Variants in SLC29A3 observed in about 807,000 individuals in gnomAD.
The protein encoded by SLC29A3 is equilibrative nucleoside transporter 3.
SLC29A3 carries 18 observed loss-of-function variants against 25.4 expected under a neutral mutation model. The ratio of observed to expected loss-of-function variants is 0.71; its 90% CI spans 0.49 to 1.05. SLC29A3 has a LOEUF of 1.05. SLC29A3 is among the 50% of genes least tolerant of loss of function. The pLI, the probability that SLC29A3 is intolerant of heterozygous loss-of-function variation, is 0.00. For missense variants in SLC29A3, 586 were observed against 609.0 expected, an observed-to-expected ratio of 0.96 and a Z score of 0.40; for synonymous variants, 258 against 267.1, an observed-to-expected ratio of 0.97 and a Z score of 0.33.
At chr10:71,363,855 G>A (rs1327457000), downstream of SLC29A3, among the ~76,000 whole-genome samples, 2 of 128,670 alleles carry the variant, frequency 1.6e-5, no homozygotes, top group African/African-American at 5.8e-5. Flanking sequence ...TGTCACCCAG[G>A]CTGGAGTGCA....
intron 2 of SLC29A3, among the ~76,000 whole-genome samples, chr10:71,324,011 G>A (rs907632392): frequency 3.9e-5 from 6 of 152,150 alleles, no homozygotes; most frequent in Admixed American, 1.3e-4. Context: ...CCAGAGAGGT[G>A]GGGGCAGTAG....
At chr10:71,377,467 C>G (rs1484880268) in intron 4 of SLC29A3, among the ~76,000 whole-genome samples, 1 of 150,634 alleles carries the variant, frequency 6.6e-6, no homozygotes, top group East Asian at 1.9e-4. Context: ...CCACCGGCCA[C>G]GAAATAGATG....
downstream of SLC29A3, chr10:71,366,505 C>T (rs1336018384): frequency 6.6e-6 from 1 of 152,202 alleles, no homozygotes; most frequent in African/African-American, 2.4e-5. Flanking sequence ...ATTCAGTTAA[C>T]AAAGCTACAT....
intron 4 of SLC29A3, among the ~76,000 whole-genome samples, chr10:71,379,266 T>C (rs913395859): frequency 6.6e-6 from 1 of 152,222 alleles, no homozygotes; most frequent in South Asian, 2.1e-4. Context: ...ATGAAAATTG[T>C]AGGAGGCCAT....
At chr10:71,335,189 A>G (rs1273566026) in intron 2 of SLC29A3, among the ~76,000 whole-genome samples, 1 of 151,906 alleles carries the variant, frequency 6.6e-6, no homozygotes, top group East Asian at 1.9e-4. Flanking sequence ...GATTCCTTCT[A>G]CACCCAGCAC....
At chr10:71,319,405 G>A in intron 1 of SLC29A3, 95 bp downstream of exon 1, 1 of 540,100 alleles carries the variant, frequency 1.9e-6, no homozygotes, top group South Asian at 2.3e-5. Context: ...GGGGGCGGCT[G>A]CGGGCTGCCA....
intron 3 of SLC29A3, among the ~76,000 whole-genome samples, chr10:71,374,911 A>G (rs1187504993): frequency 6.6e-6 from 1 of 152,164 alleles, no homozygotes; most frequent in Admixed American, 6.5e-5. Flanking sequence ...AAGTAAGATG[A>G]GAATAGCTGC....
At chr10:71,356,303 C>A in intron 5 of SLC29A3, 60 bp downstream of exon 5, 3 of 1,591,330 alleles carry the variant, frequency 1.9e-6, no homozygotes, top group Non-Finnish European at 2.6e-6. Context: ...AGCCATGCTT[C>A]TTTTTCTCAG....
At chr10:71,349,099 C>G (rs577751158) in intron 3 of SLC29A3, among the ~76,000 whole-genome samples, 1 of 152,200 alleles carries the variant, frequency 6.6e-6, no homozygotes, top group African/African-American at 2.4e-5. Flanking sequence ...TAACACCACT[C>G]CTGGAGTTGT....
chr10:71,360,536 G>C (rs12243650), intron 5 of SLC29A3, among the ~76,000 whole-genome samples: 1 of 152,246 alleles, frequency 6.6e-6, no homozygotes, highest in Non-Finnish European at 1.5e-5. Flanking sequence ...GCCTCTGGTA[G>C]AGATGAACAG....
At chr10:71,324,699 G>A (rs1309329233) in intron 2 of SLC29A3, among the ~76,000 whole-genome samples, 1 of 152,236 alleles carries the variant, frequency 6.6e-6, no homozygotes, top group South Asian at 2.1e-4. Context: ...ACCTGAGTAT[G>A]TGTGGATTTG....
At chr10:71,328,748 AAGG>A (rs1278571275) in intron 2 of SLC29A3, among the ~76,000 whole-genome samples, 1 of 152,190 alleles carries the variant, frequency 6.6e-6, no homozygotes, top group Non-Finnish European at 1.5e-5. Context: ...GCTACCAGTA[AAGG>A]AGTTTTGATC....
chr10:71,361,697 G>A (rs2131850717), intron 5 of SLC29A3, among the ~76,000 whole-genome samples: 1 of 152,334 alleles, frequency 6.6e-6, no homozygotes, highest in Admixed American at 6.5e-5. Context: ...TCACCATGCA[G>A]TGGTCAGTCC....
At position 71,359,162 on chromosome 10, in the gene SLC29A3, GC is replaced by G. The variant is rs11296364; in HGVS notation, c.774-2790del. On this transcript the variant is annotated intron_variant, in intron 5 of 5. Transcript: ENST00000373189. ...GACCTCAAGTGATCCACCCGCCTCA[GC>G]CTCCCAAAGTGCTGGGATTGATTAC... 6.8e-3 allele frequency among the ~76,000 whole-genome samples: 1,043 copies of G among 152,306 alleles called. 11 individuals are homozygous for G. Among genetic ancestry groups the G allele is most frequent in the African/African-American group, 0.024 (993 of 41,566 alleles).
rs3824768 is a variant in SLC29A3 at position 71,341,057 on chromosome 10, G to A, written c.301-3152G>A. ...GAGCAGCCAGTCTGGGGAGAGGAGA[G>A]GCGGGCGAACGATCTGTGGGCTCCT... On this transcript the variant is annotated intron_variant, in intron 2 of 5. Coordinates refer to ENST00000373189, the MANE Select transcript of SLC29A3 (RefSeq NM_018344.6). 8.2e-3 allele frequency among the ~76,000 whole-genome samples: 1,251 copies of A among 152,266 alleles called. 39 individuals carry two copies. The highest frequency in any genetic ancestry group is 0.068 in the East Asian group (350 of 5,154).
intron 5 of SLC29A3, among the ~76,000 whole-genome samples, chr10:71,361,444 G>A (rs983693528): frequency 1.3e-5 from 2 of 152,236 alleles, no homozygotes; most frequent in Non-Finnish European, 2.9e-5. Context: ...TTATAGGCGT[G>A]AGCCATCATG....
intron 2 of SLC29A3, among the ~76,000 whole-genome samples, chr10:71,341,519 A>G (rs1846409642): frequency 6.6e-6 from 1 of 152,198 alleles, no homozygotes. Context: ...AACATGATCA[A>G]CTGTCCTGGT....
intron 1 of SLC29A3, 58 bp downstream of exon 1, chr10:71,319,368 C>CG (rs1319118117): frequency 3.3e-6 from 2 of 604,210 alleles, no homozygotes; most frequent in Non-Finnish European, 5.9e-6. Flanking sequence ...CCCAGACTCG[C>CG]GCTCAGCGAC....
chr10:71,354,025 T>C (rs1360453245), intron 4 of SLC29A3, among the ~76,000 whole-genome samples: 5 of 152,294 alleles, frequency 3.3e-5, no homozygotes, highest in East Asian at 1.9e-4. Flanking sequence ...TCTTGCAAAA[T>C]GTCTAGGCGG....
Sources: allele counts gnomAD v4.1 joint callset (sites outside exome capture counted in the v4.1 genomes callset), GRCh38; gene constraint gnomAD v4.1.1; transcripts MANE v1.5; gene names NCBI Gene and HGNC (gene_info 2026-07-23, HGNC 2026-07-21).